Variants in ANKRD11 observed in about 807,000 individuals in gnomAD.
ANKRD11 encodes the protein ankyrin repeat domain-containing protein 11.
In ANKRD11, 17 loss-of-function variants were observed where a neutral mutation model predicts 195.7. The ratio of observed to expected loss-of-function variants is 0.09; its 90% confidence interval spans 0.06 to 0.13. The LOEUF is 0.13. ANKRD11 is among the 10% of genes least tolerant of loss of function. The pLI is 1.00. For synonymous variants in ANKRD11, 1,953 were observed against 1,528.1 expected (o/e 1.28, Z -6.49); for missense variants, 3,735 against 3,566.1 (o/e 1.05, Z -1.21).
At chr16:89,412,720 C>G (rs896090435) in intron 2 of ANKRD11, among the ~76,000 whole-genome samples, 2 of 152,068 alleles carry the variant, frequency 1.3e-5, no homozygotes, top group Non-Finnish European at 2.9e-5. Flanking sequence ...GAAAAAATTC[C>G]CTTAAGCCAG....
chr16:89,434,404 C>A (rs1225546268), intron 1 of ANKRD11, among the ~76,000 whole-genome samples: 1 of 152,174 alleles, frequency 6.6e-6, no homozygotes, highest in Non-Finnish European at 1.5e-5. Context: ...TTCTTCTCCA[C>A]GCAAGTCGGA....
At chr16:89,318,287 A>G (rs2037085741) in intron 2 of ANKRD11, among the ~76,000 whole-genome samples, 1 of 152,116 alleles carries the variant, frequency 6.6e-6, no homozygotes, top group Non-Finnish European at 1.5e-5. Flanking sequence ...GTTCACCATC[A>G]CAGCCAGGCC....
intron 3 of ANKRD11, among the ~76,000 whole-genome samples, chr16:89,315,210 A>C (rs558903922): frequency 6.6e-6 from 1 of 152,290 alleles, no homozygotes; most frequent in South Asian, 2.1e-4. Context: ...GGAGCTCAAG[A>C]GGATGGGGGC....
chr16:89,388,778 T>C (rs2041044235), intron 2 of ANKRD11, among the ~76,000 whole-genome samples: 1 of 152,178 alleles, frequency 6.6e-6, no homozygotes, highest in Admixed American at 6.5e-5. Flanking sequence ...GCCAGATCCC[T>C]GTCCGCAGCC....
At chr16:89,313,402 A>C (rs1283716681) in intron 3 of ANKRD11, 1 of 1,288,780 alleles carries the variant, frequency 7.8e-7, no homozygotes, top group Non-Finnish European at 1.0e-6. Flanking sequence ...CGTGGTCGGC[A>C]ATGGTGAGAG....
At chr16:89,371,522 C>T (rs1245114370) in intron 2 of ANKRD11, among the ~76,000 whole-genome samples, 1 of 152,200 alleles carries the variant, frequency 6.6e-6, no homozygotes. Flanking sequence ...GCACCACCCA[C>T]AGATGAGTTC....
chr16:89,304,086 C>G (rs539787765), intron 4 of ANKRD11, among the ~76,000 whole-genome samples: 2 of 152,224 alleles, frequency 1.3e-5, no homozygotes, highest in Non-Finnish European at 2.9e-5. Context: ...TGTAGAGAAG[C>G]TGGATGACCA....
At chr16:89,337,007 C>CAAAAAAAA (rs60248736) in intron 2 of ANKRD11, among the ~76,000 whole-genome samples, 13 of 47,742 alleles carry the variant, frequency 2.7e-4, no homozygotes, top group Non-Finnish European at 4.9e-4. Context: ...CTGGCTCTAC[C>CAAAAAAAA]AAAAAAAAAA....
intron 7 of ANKRD11, 103 bp from the exon 8 acceptor site, chr16:89,286,289 C>G: frequency 1.0e-5 from 15 of 1,499,742 alleles, no homozygotes; most frequent in Non-Finnish European, 1.4e-5. Flanking sequence ...GGGGTTCGAC[C>G]CGAGAGCAGC....
At chr16:89,376,170 G>C (rs928858870) in intron 2 of ANKRD11, among the ~76,000 whole-genome samples, 1 of 152,200 alleles carries the variant, frequency 6.6e-6, no homozygotes, top group East Asian at 1.9e-4. Context: ...TGTGGGTGCA[G>C]GATTGCTATA....
intron 1 of ANKRD11, among the ~76,000 whole-genome samples, chr16:89,428,129 AC>A: frequency 6.6e-6 from 1 of 152,072 alleles, no homozygotes; most frequent in Non-Finnish European, 1.5e-5. Flanking sequence ...AATCACTTGA[AC>A]CCAGGAGGCA....
intron 12 of ANKRD11, 22 bp from the exon 13 acceptor site, chr16:89,268,685 G>C (rs749885956): frequency 6.4e-7 from 1 of 1,565,538 alleles, no homozygotes; most frequent in Non-Finnish European, 8.7e-7. Context: ...ACAGCGGGGA[G>C]AGGAGGGAGG....
intron 2 of ANKRD11, among the ~76,000 whole-genome samples, chr16:89,344,726 C>CGAGGGCACGGGAGCACAGCG (rs199567923): frequency 3.7e-4 from 57 of 152,022 alleles, no homozygotes; most frequent in South Asian, 8.3e-4. Flanking sequence ...CTCCCAAGCA[C>CGAGGGCACGGGAGCACAGCG]GAGGGCACGG....
intron 2 of ANKRD11, among the ~76,000 whole-genome samples, chr16:89,399,808 A>G (rs1287944154): frequency 4.1e-5 from 1 of 24,510 alleles, no homozygotes; most frequent in Non-Finnish European, 6.2e-5. Context: ...AATAAAGTCT[A>G]CTTTTTTTAA....
intron 2 of ANKRD11, among the ~76,000 whole-genome samples, chr16:89,322,277 TC>T (rs1417275754): frequency 1.3e-5 from 2 of 152,188 alleles, no homozygotes; most frequent in African/African-American, 2.4e-5. Context: ...CTCCGAAGAC[TC>T]CCAGAGAGAA....
At chr16:89,409,048 G>A (rs2042016434) in intron 2 of ANKRD11, among the ~76,000 whole-genome samples, 1 of 152,190 alleles carries the variant, frequency 6.6e-6, no homozygotes, top group Non-Finnish European at 1.5e-5. Flanking sequence ...AGAGAATTCA[G>A]AAAAGCCACC....
intron 1 of ANKRD11, among the ~76,000 whole-genome samples, chr16:89,443,994 A>C (rs1010308078): frequency 6.6e-6 from 1 of 152,208 alleles, no homozygotes; most frequent in African/African-American, 2.4e-5. Context: ...AGGGAGGCAG[A>C]AACTCCGCAG....
chr16:89,355,825 G>A lies in ANKRD11; in HGVS notation c.-59-38747C>T, dbSNP rs191054043. On this transcript the variant is annotated intron_variant, in intron 2 of 12. Coordinates refer to ENST00000301030, the MANE Select transcript of ANKRD11 (RefSeq NM_013275.6). ...ACGGCGGTTCACGGCAAGGGTCTGT[G>A]GCTCTCCTGTGCGCAGCCCAATGGA... Among the ~76,000 whole-genome samples the A allele has an allele frequency of 5.3e-5, 8 of 152,300 alleles. No individual in the cohort carries two copies. In the East Asian group the frequency reaches 1.5e-3, roughly 29 times the overall value.
chr16:89,477,676 T>C (rs945493740), intron 1 of ANKRD11, among the ~76,000 whole-genome samples: 2 of 150,138 alleles, frequency 1.3e-5, no homozygotes, highest in African/African-American at 4.9e-5. Context: ...ATTTTAATAA[T>C]AAAAATATTG....
Sources: allele counts gnomAD v4.1 joint callset (sites outside exome capture counted in the v4.1 genomes callset), GRCh38; gene constraint gnomAD v4.1.1; transcripts MANE v1.5; gene names NCBI Gene and HGNC (gene_info 2026-07-23, HGNC 2026-07-21).